LIPA: variants seen among roughly 807,000 people sequenced by gnomAD.
The protein encoded by LIPA is lysosomal acid lipase/cholesteryl ester hydrolase.
A neutral mutation model predicts 40.6 loss-of-function variants in LIPA; 26 were observed. The observed-to-expected ratio is 0.64, with a 90% CI of 0.47 to 0.89. LIPA has a LOEUF of 0.89. Among genes scored for constraint, LIPA ranks in the 40% least tolerant of loss-of-function variants. The probability of loss-of-function intolerance (pLI) is 0.00; values close to 1 mark genes in which losing one functional copy is unlikely to be tolerated. For synonymous variants in LIPA, 188 were observed against 168.4 expected (o/e 1.12, Z -0.90); for missense variants, 455 against 479.6 (o/e 0.95, Z 0.48).
chr10:89,245,719 G>C lies in LIPA; in HGVS notation c.186C>G (p.Cys62Trp), dbSNP rs902722005. The change falls in exon 3 of 10, where the codon TGC (cysteine) becomes TGG (tryptophan). Residue 62 changes from cysteine (C) to tryptophan (W), a missense_variant. Coordinates refer to ENST00000336233, the MANE Select transcript of LIPA (RefSeq NM_000235.4). ...TCCTCCCATGAGGAATTCGGTTAAG[G>C]CACAGAATATATCCATCTTCTGTCT... ...LVETEDGYIL[C>W]LNRIPHGRKN... 3 of 1,604,272 alleles carry C rather than the reference G, an allele frequency of 1.9e-6. No individual in the cohort carries two copies. The highest frequency in any genetic ancestry group is 4.5e-5 in the East Asian group (2 of 44,832).
chr10:89,267,452 C>A (rs1843242203), intron 1 of LIPA, among the ~76,000 whole-genome samples: 1 of 151,968 alleles, frequency 6.6e-6, no homozygotes, highest in Non-Finnish European at 1.5e-5. Flanking sequence ...AATTGGAAAC[C>A]ATCATTCTCA....
intron 3 of LIPA, among the ~76,000 whole-genome samples, chr10:89,228,770 A>T (rs947298026): frequency 9.2e-5 from 14 of 152,234 alleles, no homozygotes; most frequent in Admixed American, 2.0e-4. Flanking sequence ...TAACAAAATA[A>T]ACAAAAGGAA....
At position 89,299,020 on chromosome 10, in the gene LIPA, T is replaced by C. The variant is rs1309270534; in HGVS notation, c.-2+43591A>G. 3.3e-5 allele frequency among the ~76,000 whole-genome samples: 5 copies of C among 150,978 alleles called. No individual in the cohort carries two copies. In the South Asian group the frequency reaches 8.3e-4, roughly 25 times the overall value. On this transcript the variant is annotated intron_variant, in intron 1 of 5. Coordinates refer to the LIPA transcript ENST00000282673. ...AATAAAAAAATAATATATATGTATA[T>C]ATAAAAAATACTAAAGAAGCTCAGC...
chr10:89,367,099 C>T (rs1490877875), intron 2 of LIPA, among the ~76,000 whole-genome samples: 1 of 151,006 alleles, frequency 6.6e-6, no homozygotes, highest in East Asian at 1.9e-4. Context: ...ACTGCCTGTT[C>T]TCACTCATAG....
chr10:89,306,889 G>C, intron 1 of LIPA: 1 of 1,614,080 alleles, frequency 6.2e-7, no homozygotes, highest in Non-Finnish European at 8.5e-7. Flanking sequence ...GGAAAAGAAA[G>C]TTACTGGAAC....
At chr10:89,252,155 G>T (rs1843134963), upstream of LIPA, 1 of 152,206 alleles carries the variant, frequency 6.6e-6, no homozygotes, top group African/African-American at 2.4e-5. Flanking sequence ...AGAGCATGTG[G>T]GCTCTATAAA....
At chr10:89,340,776 A>C (rs570665868) in intron 1 of LIPA, 1 of 152,200 alleles carries the variant, frequency 6.6e-6, no homozygotes, top group South Asian at 2.1e-4. Flanking sequence ...CTAACAACAA[A>C]ATTTGCAGTC....
intron 2 of LIPA, among the ~76,000 whole-genome samples, chr10:89,398,545 C>T (rs981342636): frequency 6.6e-6 from 1 of 152,158 alleles, no homozygotes; most frequent in Admixed American, 6.5e-5. Flanking sequence ...GACCCGGCAC[C>T]CTAGTCCCTG....
intron 1 of LIPA, among the ~76,000 whole-genome samples, chr10:89,296,809 C>T (rs1843418006): frequency 6.6e-6 from 1 of 152,062 alleles, no homozygotes; most frequent in Non-Finnish European, 1.5e-5. Flanking sequence ...TTCTTTTGGG[C>T]CTATATACAT....
chr10:89,261,152 C>T (rs532238222), intron 1 of LIPA, among the ~76,000 whole-genome samples: 43 of 152,342 alleles, frequency 2.8e-4, no homozygotes, highest in African/African-American at 9.1e-4. Flanking sequence ...TCAGTGCCCT[C>T]CTACATAAAT....
At chr10:89,392,945 C>A (rs1844278899) in intron 2 of LIPA, among the ~76,000 whole-genome samples, 1 of 152,058 alleles carries the variant, frequency 6.6e-6, no homozygotes, top group South Asian at 2.1e-4. Flanking sequence ...GGAAGCTTAC[C>A]TCATGCTATA....
At chr10:89,322,025 C>T (rs1433343753) in intron 1 of LIPA, among the ~76,000 whole-genome samples, 1 of 151,816 alleles carries the variant, frequency 6.6e-6, no homozygotes, top group Non-Finnish European at 1.5e-5. Context: ...GCAATAAGAA[C>T]AACTGGACAC....
At chr10:89,398,280 A>G (rs1844374069) in intron 2 of LIPA, among the ~76,000 whole-genome samples, 1 of 152,218 alleles carries the variant, frequency 6.6e-6, no homozygotes, top group Non-Finnish European at 1.5e-5. Flanking sequence ...TTGTTTATTT[A>G]TGTTGACCAG....
At chr10:89,302,257 A>G in intron 1 of LIPA, 2 of 933,640 alleles carry the variant, frequency 2.1e-6, no homozygotes, top group East Asian at 2.5e-5. Flanking sequence ...CTATGCCTCT[A>G]CCTCTGTTGG....
Position 89,273,858 on chromosome 10 carries a change from G to A in LIPA, c.-1-26209C>T, listed in dbSNP as rs1453331972. Among the ~76,000 whole-genome samples the A allele has an allele frequency of 3.3e-5, 5 of 152,188 alleles. 1 individual carries two copies. Among genetic ancestry groups the A allele is most frequent in the South Asian group, 4.1e-4 (2 of 4,834 alleles). On this transcript the variant is annotated intron_variant, in intron 1 of 5. Transcript: ENST00000282673. ...AGCAAAGGTTAACACACTACAGCTC[G>A]TGGGCTGAAACCAGTCTGCCACCTG...
At chr10:89,384,194 G>C in intron 2 of LIPA, 1 of 1,614,170 alleles carries the variant, frequency 6.2e-7, no homozygotes, top group South Asian at 1.1e-5. Flanking sequence ...ATGGGGCTTT[G>C]CTACAGGGCA....
At chr10:89,254,209 TC>T (rs1055046595), upstream of LIPA, among the ~76,000 whole-genome samples, 7 of 152,242 alleles carry the variant, frequency 4.6e-5, no homozygotes, top group African/African-American at 1.7e-4. Context: ...GCCCAGGCTC[TC>T]CTTGAGGGCC....
chr10:89,372,948 A>T (rs951593301), intron 2 of LIPA, among the ~76,000 whole-genome samples: 3 of 152,208 alleles, frequency 2.0e-5, no homozygotes, highest in African/African-American at 7.2e-5. Context: ...TAGTTCAGTG[A>T]TGTAAATGCT....
chr10:89,386,968 TGTGTGA>T lies in LIPA; in HGVS notation c.61+25817_61+25822del, dbSNP rs1210356482. Among the ~76,000 whole-genome samples, 136 of 80,246 alleles carry T rather than the reference TGTGTGA, an allele frequency of 1.7e-3. 1 individual carries two copies. The highest frequency in any genetic ancestry group is 5.4e-3 in the African/African-American group (116 of 21,378). The allele number at this position is 80,246 out of a possible 152,430, so 52.6% of individuals were successfully genotyped here. A position where few individuals can be genotyped will look rare whatever the true frequency, so the allele number is the denominator to read the frequency against. On this transcript the variant is annotated intron_variant, in intron 2 of 8. Coordinates refer to the LIPA transcript ENST00000371837. Reference sequence around the variant, plus strand: ...ATGAGTGTGTGTGTGTGTGTGTGTGTGTGTGAGAGAGAGAGAGAGTGTGTGTGTGTT... The same window carrying T: ...ATGAGTGTGTGTGTGTGTGTGTGTGTGAGAGAGAGAGAGTGTGTGTGTGTT...
Sources: gnomAD v4.1 joint callset for allele counts (sites outside exome capture counted in the v4.1 genomes callset) on GRCh38, gnomAD v4.1.1 for gene constraint, MANE v1.5 for transcripts, NCBI Gene and HGNC (gene_info 2026-07-23, HGNC 2026-07-21) for gene names.